ARMH1: variants seen among roughly 807,000 people sequenced by gnomAD.
ARMH1 encodes armadillo-like helical domain containing protein 1.
A neutral mutation model predicts 50.2 loss-of-function variants in ARMH1; 34 were observed. The ratio of observed to expected loss-of-function variants is 0.68; its 90% confidence interval spans 0.51 to 0.90. ARMH1 has a LOEUF of 0.90. ARMH1 is among the 40% of genes least tolerant of loss of function. ARMH1 has a pLI of 0.00. For synonymous variants in ARMH1, 221 were observed against 224.2 expected, an observed-to-expected ratio of 0.99 and a Z score of 0.13; for missense variants, 538 against 553.9, an observed-to-expected ratio of 0.97 and a Z score of 0.29.
chr1:44,715,917 G>T (rs957911135), intron 6 of ARMH1, among the ~76,000 whole-genome samples: 14 of 152,198 alleles, frequency 9.2e-5, no homozygotes, highest in African/African-American at 3.1e-4. Flanking sequence ...CCTAGCACGT[G>T]CTCAATCCCT....
intron 6 of ARMH1, among the ~76,000 whole-genome samples, chr1:44,715,976 C>T (rs1390893802): frequency 6.6e-6 from 1 of 152,260 alleles, no homozygotes; most frequent in African/African-American, 2.4e-5. Context: ...CTCTCAGCTT[C>T]ATGGGGCCTG....
intron 6 of ARMH1, among the ~76,000 whole-genome samples, chr1:44,720,475 G>A (rs1448662382): frequency 6.6e-6 from 1 of 152,198 alleles, no homozygotes; most frequent in Non-Finnish European, 1.5e-5. Flanking sequence ...CATGCATTGT[G>A]TACATGGAAT....
intron 6 of ARMH1, among the ~76,000 whole-genome samples, chr1:44,717,031 A>G (rs1189966355): frequency 6.6e-6 from 1 of 151,830 alleles, no homozygotes; most frequent in East Asian, 1.9e-4. Context: ...TTGTAGTTTT[A>G]GTAGAGACGG....
At chr1:44,690,183 A>G (rs1391710817) in intron 2 of ARMH1, among the ~76,000 whole-genome samples, 1 of 152,160 alleles carries the variant, frequency 6.6e-6, no homozygotes, top group Non-Finnish European at 1.5e-5. Context: ...ATGCCACTGC[A>G]CTCCAGCCTG....
At chr1:44,722,756 A>T (rs1647508709) in intron 6 of ARMH1, among the ~76,000 whole-genome samples, 1 of 146,070 alleles carries the variant, frequency 6.8e-6, no homozygotes, top group Non-Finnish European at 1.5e-5. Context: ...AAACAAAAAT[A>T]CTAGCATTTA....
chr1:44,687,959 C>T (rs1392177088), intron 1 of ARMH1, among the ~76,000 whole-genome samples: 1 of 152,116 alleles, frequency 6.6e-6, no homozygotes, highest in Non-Finnish European at 1.5e-5. Flanking sequence ...AGAAAGGGTC[C>T]ATTTAAGGCA....
rs35873369 is a variant in ARMH1, at chr1:44,720,197, C to CAAA, written c.725-3904_725-3902dup. 3.2e-3 allele frequency among the ~76,000 whole-genome samples: 224 copies of CAAA among 69,120 alleles called. 6 individuals carry two copies. The highest frequency in any genetic ancestry group is 0.013 in the East Asian group (32 of 2,448). 45.3% of individuals were successfully genotyped at this position (69,120 alleles called of 152,430 possible). A position where few individuals can be genotyped will look rare whatever the true frequency, so the allele number is the denominator to read the frequency against. ...GGGCAACAAGAGCAAAACTCTGTCT[C>CAAA]AAAAAAAAAAAAAAAAAAAAAAAGT... is the stretch of plus-strand genomic sequence containing the variant. On this transcript the variant is annotated intron_variant, in intron 6 of 11. Coordinates refer to ENST00000535358, the MANE Select transcript of ARMH1 (RefSeq NM_001145636.2).
chr1:44,708,111 AAGGGAGAGAAGAAAT>A (rs1484408577), intron 6 of ARMH1, among the ~76,000 whole-genome samples: 5 of 152,238 alleles, frequency 3.3e-5, no homozygotes, highest in Non-Finnish European at 7.3e-5. Context: ...ACGGGAAGTT[AAGGGAGAGAAGAAAT>A]TCGCACGCCT....
chr1:44,675,684 G>T (rs1645114174), intron 1 of ARMH1, among the ~76,000 whole-genome samples: 1 of 150,222 alleles, frequency 6.7e-6, no homozygotes, highest in African/African-American at 2.5e-5. Flanking sequence ...AAAGAGCCCA[G>T]TGTGGTGTCT....
Position 44,724,755 on chromosome 1 carries a change from G to T in ARMH1, c.1051-7G>T. The T allele has an allele frequency of 1.3e-6, 2 of 1,535,072 alleles. No homozygotes were observed. Among genetic ancestry groups the T allele is most frequent in the Non-Finnish European group, 1.7e-6 (2 of 1,143,636 alleles). On this transcript the variant is annotated splice_polypyrimidine_tract_variant and splice_region_variant and intron_variant, in intron 9 of 11. Coordinates refer to ENST00000535358, the MANE Select transcript of ARMH1 (RefSeq NM_001145636.2). The surrounding 1 kb of genome is among the most constrained non-coding windows in gnomAD (Gnocchi z 6.4). ...CGCAGTCACGCCGCCTCGCCCGCGC[G>T]GCGCAGTGCTTCGTGCAGATGTTCC...
chr1:44,724,398 CGGG>C lies in ARMH1; in HGVS notation c.920+7_920+9del. On this transcript the variant is annotated splice_region_variant and intron_variant, in intron 8 of 11. Transcript: ENST00000535358. The surrounding 1 kb of genome is among the most constrained non-coding windows in gnomAD (Gnocchi z 6.4). ...GCGGCCGCCAAGGCCATCGGGTAAG[CGGG>C]CAGGGGTTAGTGGGTAGCTGCAGCA... 1.3e-6 allele frequency: 2 copies of C among 1,549,104 alleles called. No homozygotes were observed. The highest frequency in any genetic ancestry group is 8.7e-7 in the Non-Finnish European group (1 of 1,146,766).
intron 6 of ARMH1, among the ~76,000 whole-genome samples, chr1:44,723,326 C>T (rs1280410423): frequency 1.3e-5 from 2 of 152,206 alleles, no homozygotes; most frequent in African/African-American, 4.8e-5. Flanking sequence ...GTATCCTCAA[C>T]ACCCAATGCC....
chr1:44,702,724 A>AAG (rs1553145109), intron 5 of ARMH1, among the ~76,000 whole-genome samples: 5 of 151,436 alleles, frequency 3.3e-5, no homozygotes, highest in African/African-American at 9.7e-5. Context: ...AAAAAAAAAA[A>AAG]AAAAGAAAAG....
intron 6 of ARMH1, among the ~76,000 whole-genome samples, chr1:44,707,622 A>G (rs1040167497): frequency 1.3e-5 from 2 of 151,978 alleles, no homozygotes; most frequent in African/African-American, 4.8e-5. Flanking sequence ...GGGTCTCCCT[A>G]TGTTGCCCAG....
chr1:44,689,694 G>T lies in ARMH1; in HGVS notation c.-4G>T. The T allele has an allele frequency of 6.4e-7, 1 of 1,551,876 alleles. No individual in the cohort carries two copies. The highest frequency in any genetic ancestry group is 1.2e-5 in the South Asian group (1 of 84,036). The stretch of plus-strand genomic sequence containing the variant: ...TCTGTAGCCAACTTCAGGACTGATT[G>T]ATCATGACTTCTATAAAGGAGCAGG... On this transcript the variant is annotated 5_prime_UTR_variant, in exon 2 of 12. Coordinates refer to ENST00000535358, the MANE Select transcript of ARMH1 (RefSeq NM_001145636.2).
At chr1:44,700,495 A>C (rs980251515) in intron 4 of ARMH1, among the ~76,000 whole-genome samples, 5 of 151,798 alleles carry the variant, frequency 3.3e-5, no homozygotes, top group Non-Finnish European at 7.4e-5. Context: ...ACACACCTGT[A>C]GTCCCAGCTA....
rs1353944624 is a variant in ARMH1 at position 44,724,450 on chromosome 1, G to C, written c.920+58G>C. ...CAAGCCTGGCTTGGCGCTGCCGGCGGGCCCCGGGAGCGCTCCGTGCGCCGG... is the reference window on the plus strand; with the variant it reads ...CAAGCCTGGCTTGGCGCTGCCGGCGCGCCCCGGGAGCGCTCCGTGCGCCGG... On this transcript the variant is annotated intron_variant, in intron 8 of 11. Coordinates refer to ENST00000535358, the MANE Select transcript of ARMH1 (RefSeq NM_001145636.2). The surrounding 1 kb of genome is among the most constrained non-coding windows in gnomAD (Gnocchi z 6.4). 1.3e-6 allele frequency: 2 copies of C among 1,531,358 alleles called. No individual in the cohort carries two copies. Among genetic ancestry groups the C allele is most frequent in the Non-Finnish European group, 1.8e-6 (2 of 1,140,040 alleles). 94.9% of individuals were successfully genotyped at this position (1,531,358 alleles called of 1,614,324 possible).
At chr1:44,711,524 T>A (rs1437370392) in intron 6 of ARMH1, among the ~76,000 whole-genome samples, 1 of 152,230 alleles carries the variant, frequency 6.6e-6, no homozygotes, top group Non-Finnish European at 1.5e-5. Context: ...TAAAATTGGT[T>A]GTTGGGTTGT....
intron 1 of ARMH1, among the ~76,000 whole-genome samples, chr1:44,688,765 C>G (rs1277950303): frequency 6.6e-6 from 1 of 152,186 alleles, no homozygotes; most frequent in Non-Finnish European, 1.5e-5. Context: ...TTTTGGAAAA[C>G]AGGTTTATCT....
Sources: allele counts gnomAD v4.1 joint callset (sites outside exome capture counted in the v4.1 genomes callset), GRCh38; gene constraint gnomAD v4.1.1; non-coding constraint Gnocchi (gnomAD v3.1); transcripts MANE v1.5; gene names NCBI Gene and HGNC (gene_info 2026-07-23, HGNC 2026-07-21).